Variants in KCND2 observed in about 807,000 individuals in gnomAD.
KCND2 encodes A-type voltage-gated potassium channel KCND2.
KCND2 carries 16 observed loss-of-function variants against 54.4 expected under a neutral mutation model. The ratio of observed to expected loss-of-function variants is 0.29; its 90% CI spans 0.20 to 0.45. KCND2 has a LOEUF of 0.45. Ranked by LOEUF, KCND2 falls within the 20% of genes least tolerant of loss-of-function variation. The pLI, the probability that KCND2 is intolerant of heterozygous loss-of-function variation, is 1.00. For synonymous variants in KCND2, 317 were observed against 310.7 expected (o/e 1.02, Z -0.21); for missense variants, 486 against 824.2 (o/e 0.59, Z 5.02).
chr7:120,564,303 T>G (rs1454623592), intron 1 of KCND2, among the ~76,000 whole-genome samples: 4 of 152,198 alleles, frequency 2.6e-5, no homozygotes, highest in African/African-American at 9.6e-5. Flanking sequence ...ATATTCTTCT[T>G]GTGCAGAACT....
At chr7:120,452,667 G>A (rs564069052) in intron 1 of KCND2, among the ~76,000 whole-genome samples, 6 of 152,176 alleles carry the variant, frequency 3.9e-5, no homozygotes, top group South Asian at 4.1e-4. Flanking sequence ...AAGCCCTGAC[G>A]CCCCCATGGA....
chr7:120,731,011 G>A (rs1792799758), intron 1 of KCND2, among the ~76,000 whole-genome samples: 1 of 152,158 alleles, frequency 6.6e-6, no homozygotes. Flanking sequence ...CCCAGAGTAA[G>A]CATGGAGTAG....
At chr7:120,728,997 C>G (rs1266361726) in intron 1 of KCND2, among the ~76,000 whole-genome samples, 3 of 152,148 alleles carry the variant, frequency 2.0e-5, no homozygotes, top group Non-Finnish European at 4.4e-5. Flanking sequence ...CACGGTGTCA[C>G]TTCTCAATAT....
intron 1 of KCND2, among the ~76,000 whole-genome samples, chr7:120,425,859 T>A (rs1801698907): frequency 1.3e-5 from 2 of 152,230 alleles, no homozygotes; most frequent in South Asian, 4.1e-4. Context: ...TTTCTTTTGT[T>A]GTTGTTGTTT....
Position 120,625,236 on chromosome 7 carries a change from A to G in KCND2, c.1116-107667A>G, listed in dbSNP as rs552478148. 3.5e-3 allele frequency among the ~76,000 whole-genome samples: 540 copies of G among 152,344 alleles called. 3 individuals are homozygous for G. Among genetic ancestry groups the G allele is most frequent in the Middle Eastern group, 6.8e-3 (2 of 294 alleles). On this transcript the variant is annotated intron_variant, in intron 1 of 5. Coordinates refer to ENST00000331113, the MANE Select transcript of KCND2 (RefSeq NM_012281.3). ...AAGTAGAGTAACTAATTGGCAGAGG[A>G]AAAAAATCTAAAAACATAGTAAAAT... is the stretch of plus-strand genomic sequence containing the variant.
intron 1 of KCND2, among the ~76,000 whole-genome samples, chr7:120,553,519 AG>A (rs143013613): frequency 0.012 from 1,782 of 152,320 alleles, 15 homozygotes; most frequent in Non-Finnish European, 0.02. Flanking sequence ...CTAACTTGTT[AG>A]GTCCCTTGAC....
At chr7:120,580,529 A>G (rs1792501937) in intron 1 of KCND2, among the ~76,000 whole-genome samples, 1 of 152,146 alleles carries the variant, frequency 6.6e-6, no homozygotes, top group Non-Finnish European at 1.5e-5. Flanking sequence ...CTGCATACTC[A>G]AGTGATAATT....
At chr7:120,747,188 A>G (rs1212528191) in intron 5 of KCND2, among the ~76,000 whole-genome samples, 1 of 152,070 alleles carries the variant, frequency 6.6e-6, no homozygotes, top group Non-Finnish European at 1.5e-5. Flanking sequence ...AGATAGTAAT[A>G]GATAATTTTT....
At chr7:120,653,435 C>A (rs577329014) in intron 1 of KCND2, among the ~76,000 whole-genome samples, 1 of 152,100 alleles carries the variant, frequency 6.6e-6, no homozygotes, top group Non-Finnish European at 1.5e-5. Context: ...AACTCTGGGA[C>A]TTTGATAAAC....
intron 1 of KCND2, among the ~76,000 whole-genome samples, chr7:120,357,384 G>A (rs2116394572): frequency 6.6e-6 from 1 of 152,094 alleles, no homozygotes; most frequent in South Asian, 2.1e-4. Context: ...TTTTATACTG[G>A]TATTTTAAGT....
At chr7:120,507,346 A>C (rs1803040168) in intron 1 of KCND2, among the ~76,000 whole-genome samples, 1 of 151,872 alleles carries the variant, frequency 6.6e-6, no homozygotes, top group African/African-American at 2.4e-5. Context: ...AGAGACTTCT[A>C]GTTACCCTCA....
At chr7:120,486,922 A>T (rs1443342195) in intron 1 of KCND2, among the ~76,000 whole-genome samples, 1 of 152,176 alleles carries the variant, frequency 6.6e-6, no homozygotes, top group Non-Finnish European at 1.5e-5. Context: ...ACTATTAAAA[A>T]ATCAGAGCTA....
chr7:120,423,506 T>G, intron 1 of KCND2, among the ~76,000 whole-genome samples: 1 of 152,212 alleles, frequency 6.6e-6, no homozygotes. Context: ...CCTCTTAAAA[T>G]CAAGACGCAT....
At chr7:120,368,979 A>G (rs1246579792) in intron 1 of KCND2, among the ~76,000 whole-genome samples, 1 of 152,064 alleles carries the variant, frequency 6.6e-6, no homozygotes, top group East Asian at 1.9e-4. Context: ...TCATTTGCCA[A>G]ACTAAGCTGG....
intron 1 of KCND2, among the ~76,000 whole-genome samples, chr7:120,524,152 C>T (rs1055612550): frequency 2.5e-4 from 38 of 151,454 alleles, no homozygotes; most frequent in Non-Finnish European, 5.0e-4. Context: ...GAAGAATCGC[C>T]GGAACCCGGG....
At chr7:120,621,291 A>G (rs905856106) in intron 1 of KCND2, among the ~76,000 whole-genome samples, 19 of 149,628 alleles carry the variant, frequency 1.3e-4, no homozygotes, top group African/African-American at 1.9e-4. Flanking sequence ...AAAAAAAAAA[A>G]AAAAAAAAAA....
intron 1 of KCND2, among the ~76,000 whole-genome samples, chr7:120,622,689 A>ACT (rs751909741): frequency 3.1e-3 from 396 of 125,954 alleles, no homozygotes; most frequent in Middle Eastern, 0.011. Flanking sequence ...ACACACACAC[A>ACT]CTCTCTCTCT....
intron 1 of KCND2, among the ~76,000 whole-genome samples, chr7:120,528,102 A>G (rs1791799084): frequency 1.3e-5 from 2 of 152,154 alleles, no homozygotes; most frequent in South Asian, 2.1e-4. Context: ...CTTCTCTGCT[A>G]CAAAGACAAA....
intron 1 of KCND2, among the ~76,000 whole-genome samples, chr7:120,534,763 C>A (rs190944659): frequency 6.6e-6 from 1 of 152,212 alleles, no homozygotes; most frequent in East Asian, 1.9e-4. Flanking sequence ...AAATCTAAAT[C>A]TACTCTCAAA....
Sources: gnomAD v4.1 joint callset for allele counts (sites outside exome capture counted in the v4.1 genomes callset) on GRCh38, gnomAD v4.1.1 for gene constraint, MANE v1.5 for transcripts, NCBI Gene and HGNC (gene_info 2026-07-23, HGNC 2026-07-21) for gene names.